MEP1A: variants seen among roughly 807,000 people sequenced by gnomAD.
MEP1A encodes meprin A subunit alpha, also known as N-benzoyl-L-tyrosyl-P-amino-benzoic acid hydrolase subunit alpha.
In MEP1A, 68 loss-of-function variants were observed where a neutral mutation model predicts 84.5. The observed-to-expected ratio is 0.80, with a 90% CI of 0.66 to 0.98. The LOEUF is 0.98. Ranked by LOEUF, MEP1A falls within the 50% of genes least tolerant of loss-of-function variation. The pLI is 0.00. For synonymous variants in MEP1A, 337 were observed against 336.8 expected (o/e 1.00, Z -0.01); for missense variants, 887 against 919.9 (o/e 0.96, Z 0.46).
At chr6:46,845,489 G>C in the MEP1A span, among the ~76,000 whole-genome samples, 2 of 152,180 alleles carry the variant, frequency 1.3e-5, no homozygotes, top group African/African-American at 4.8e-5. Context: ...TATTTTGAAC[G>C]TCTGGTACTC....
At chr6:46,832,288 C>T (rs758445757) in intron 10 of MEP1A, among the ~76,000 whole-genome samples, 33 of 152,156 alleles carry the variant, frequency 2.2e-4, no homozygotes, top group African/African-American at 6.8e-4. Flanking sequence ...GCTTTGCTTT[C>T]GCAGTTTCCT....
intron 9 of MEP1A, 24 bp from the exon 10 acceptor site, chr6:46,829,332 G>A (rs1768021979): frequency 6.2e-7 from 1 of 1,602,150 alleles, no homozygotes; most frequent in Non-Finnish European, 8.5e-7. Context: ...CCAGACGTGT[G>A]ATGTTTGGCT....
rs878951987 is a variant in MEP1A, at chr6:46,833,079, G to A, written c.1150G>A (p.Asp384Asn). The A allele has an allele frequency of 6.6e-7, 1 of 1,518,626 alleles. No individual in the cohort carries two copies. Among genetic ancestry groups the A allele is most frequent in the South Asian group, 1.3e-5 (1 of 74,946 alleles). The allele number at this position is 1,518,626 out of a possible 1,614,324, so 94.1% of individuals were successfully genotyped here. A position where few individuals can be genotyped will look rare whatever the true frequency, so the allele number is the denominator to read the frequency against. The change falls in exon 11 of 14, where the codon GAT (aspartate) becomes AAT (asparagine). Residue 384 changes from aspartate to asparagine, a missense_variant. Physicochemically the swap from Asp to Asn is conservative, Grantham distance 23. Coordinates refer to ENST00000230588, the MANE Select transcript of MEP1A (RefSeq NM_005588.3). ...GCCTTGTTCTCTGTCCTCAGGAGAT[G>A]ATGACCACAATTGGAAAATTGCCCA... ...LVKVQTFQGD[D>N]DHNWKIAHVV... is the part of the protein sequence containing the mutation.
chr6:46,799,588 T>C (rs1246388582), intron 5 of MEP1A, among the ~76,000 whole-genome samples: 1 of 152,208 alleles, frequency 6.6e-6, no homozygotes, highest in Admixed American at 6.5e-5. Flanking sequence ...TGCCACACTT[T>C]GAGAAATAGG....
At chr6:46,810,123 T>C (rs944157859) in intron 6 of MEP1A, among the ~76,000 whole-genome samples, 2 of 151,866 alleles carry the variant, frequency 1.3e-5, no homozygotes, top group Non-Finnish European at 2.9e-5. Flanking sequence ...CACACCAATA[T>C]ATATAATTTT....
chr6:46,808,607 T>C (rs1414458083), intron 5 of MEP1A, among the ~76,000 whole-genome samples: 1 of 152,116 alleles, frequency 6.6e-6, no homozygotes. Context: ...CTGGAGTATC[T>C]TTCTTTTCTA....
intron 6 of MEP1A, among the ~76,000 whole-genome samples, chr6:46,814,340 T>C (rs1329790454): frequency 1.3e-5 from 2 of 152,158 alleles, no homozygotes; most frequent in East Asian, 3.9e-4. Flanking sequence ...ATTCTATTGC[T>C]GAGACTTTCC....
chr6:46,807,775 GAAAGAAAGAA>G lies in MEP1A; in HGVS notation c.263-1643_263-1634del, dbSNP rs1373825600. 3.4e-3 allele frequency among the ~76,000 whole-genome samples: 153 copies of G among 45,010 alleles called. 1 individual carries two copies. Among genetic ancestry groups the G allele is most frequent in the Non-Finnish European group, 5.4e-3 (106 of 19,466 alleles). The allele number at this position is 45,010 out of a possible 152,430, so 29.5% of individuals were successfully genotyped here. A position where few individuals can be genotyped will look rare whatever the true frequency, so the allele number is the denominator to read the frequency against. ...GGAAGGAAGGAAGGGAGAAAGGAAA[GAAAGAAAGAA>G]AGAAAGAAAGAAAGAAAGAAAGAAA... On this transcript the variant is annotated intron_variant, in intron 5 of 13. Transcript: ENST00000230588.
downstream of MEP1A, among the ~76,000 whole-genome samples, chr6:46,840,810 T>C (rs1768318198): frequency 6.6e-6 from 1 of 152,238 alleles, no homozygotes; most frequent in Non-Finnish European, 1.5e-5. Context: ...GATAGGAAGC[T>C]ATCCTGTCAC....
chr6:46,829,848 T>C (rs1234910134), intron 10 of MEP1A, among the ~76,000 whole-genome samples: 1 of 152,006 alleles, frequency 6.6e-6, no homozygotes, highest in African/African-American at 2.4e-5. Context: ...ACAAATCCAG[T>C]TTTCACTGGA....
chr6:46,819,173 G>A (rs2150749481), intron 6 of MEP1A, among the ~76,000 whole-genome samples: 1 of 152,270 alleles, frequency 6.6e-6, no homozygotes, highest in East Asian at 1.9e-4. Context: ...TTTAGATAAA[G>A]GCAACAGTGT....
At position 46,796,807 on chromosome 6, in the gene MEP1A, C is replaced by G. The variant is rs79504041; in HGVS notation, c.146-1799C>G. Among the ~76,000 whole-genome samples the G allele has an allele frequency of 2.5e-3, 386 of 152,298 alleles. 8 individuals carry two copies. The East Asian group carries it at 0.063, about 25-fold the overall frequency. On this transcript the variant is annotated intron_variant, in intron 3 of 13. Coordinates refer to ENST00000230588, the MANE Select transcript of MEP1A (RefSeq NM_005588.3). Reference sequence around the variant, plus strand: ...GTTCACTTCACTCTGAAAGAGCTCCCTCAATCCCATTATAATCCAGGCCAG... The same window carrying G: ...GTTCACTTCACTCTGAAAGAGCTCCGTCAATCCCATTATAATCCAGGCCAG...
At chr6:46,798,149 G>C (rs1767108630) in intron 3 of MEP1A, among the ~76,000 whole-genome samples, 1 of 151,918 alleles carries the variant, frequency 6.6e-6, no homozygotes, top group South Asian at 2.1e-4. Flanking sequence ...TGTACTTTTA[G>C]TAGAGACAGG....
intron 6 of MEP1A, among the ~76,000 whole-genome samples, chr6:46,816,491 T>C (rs1484545657): frequency 7.6e-6 from 1 of 132,344 alleles, no homozygotes; most frequent in Non-Finnish European, 1.7e-5. Flanking sequence ...TCAGGGAGAG[T>C]TGAGATGAGT....
intron 5 of MEP1A, among the ~76,000 whole-genome samples, chr6:46,807,831 GAAAGA>G (rs1562107152): frequency 1.2e-4 from 17 of 140,660 alleles, no homozygotes; most frequent in East Asian, 4.1e-4. Context: ...AAGAAAGAAA[GAAAGA>G]AAGGAAGAAA....
At chr6:46,830,504 A>G (rs1309510250) in intron 10 of MEP1A, among the ~76,000 whole-genome samples, 1 of 152,138 alleles carries the variant, frequency 6.6e-6, no homozygotes, top group Non-Finnish European at 1.5e-5. Context: ...TTGAAAAGTA[A>G]GAAAGCCTGT....
rs1562118748 is a variant in MEP1A, at chr6:46,835,477, G to A, written c.2012G>A (p.Arg671Lys). Residue 671 changes from arginine (R) to lysine (K), a missense_variant, in exon 13 of 14, where the codon AGA (arginine) becomes AAA (lysine). Transcript: ENST00000230588. ...LEDHNWPQYFRDPCDPNPCQN... is the reference protein window; with the variant it reads ...LEDHNWPQYFKDPCDPNPCQN... ...GACCATAACTGGCCACAGTACTTCA[G>A]AGACCCATGTGACCCAAACCCTTGC... The A allele has an allele frequency of 6.2e-7, 1 of 1,613,424 alleles. No homozygotes were observed. The highest frequency in any genetic ancestry group is 8.5e-7 in the Non-Finnish European group (1 of 1,179,728).
chr6:46,820,294 GCTT>G (rs1294251714), intron 7 of MEP1A, among the ~76,000 whole-genome samples: 1 of 152,146 alleles, frequency 6.6e-6, no homozygotes, highest in African/African-American at 2.4e-5. Flanking sequence ...TAAGCACCTT[GCTT>G]CTTCTGCCTC....
chr6:46,838,777 T>C (rs1457120190), intron 13 of MEP1A, among the ~76,000 whole-genome samples: 1 of 152,230 alleles, frequency 6.6e-6, no homozygotes, highest in East Asian at 1.9e-4. Context: ...ATGATGAGAA[T>C]GGCCAAGTAA....
Sources: allele counts gnomAD v4.1 joint callset (sites outside exome capture counted in the v4.1 genomes callset), GRCh38; gene constraint gnomAD v4.1.1; transcripts MANE v1.5; gene names NCBI Gene and HGNC (gene_info 2026-07-23, HGNC 2026-07-21).